The following CSMD1 variants were observed in gnomAD, a reference collection of about 807,000 sequenced individuals.
CSMD1 encodes CUB and sushi domain-containing protein 1.
CSMD1 carries 213 observed loss-of-function variants against 417.5 expected under a neutral mutation model. That is an observed-to-expected ratio of 0.51 (90% CI 0.46 to 0.57). CSMD1 has a LOEUF of 0.57. Among genes scored for constraint, CSMD1 ranks in the 20% least tolerant of loss-of-function variants. The pLI, the probability that CSMD1 is intolerant of heterozygous loss-of-function variation, is 0.00. For missense variants in CSMD1, 6,923 were observed against 4,529.7 expected (o/e 1.53, Z -15.17); for synonymous variants, 2,862 against 1,736.8 (o/e 1.65, Z -16.11).
At chr8:3,698,644 G>C (rs190111190) in intron 7 of CSMD1, among the ~76,000 whole-genome samples, 2 of 152,172 alleles carry the variant, frequency 1.3e-5, no homozygotes, top group African/African-American at 2.4e-5. Flanking sequence ...ACCTGATGAT[G>C]AGAGGCATTT....
chr8:3,905,205 TA>T (rs1346891554), intron 5 of CSMD1, among the ~76,000 whole-genome samples: 1 of 152,180 alleles, frequency 6.6e-6, no homozygotes, highest in Non-Finnish European at 1.5e-5. Flanking sequence ...TAAAAGATAA[TA>T]TTTTTTCTGC....
chr8:4,562,685 T>C lies in CSMD1; in HGVS notation c.302+74657A>G, dbSNP rs531024279. Among the ~76,000 whole-genome samples the C allele has an allele frequency of 1.3e-4, 20 of 152,240 alleles. No individual in the cohort carries two copies. The East Asian group carries it at 3.9e-3, about 29-fold the overall frequency. The stretch of plus-strand genomic sequence containing the variant: ...ACTCAAGAGCAAGTCACGCCACTGG[T>C]GTTCAGGCCCAGAACACCATCAGCC... On this transcript the variant is annotated intron_variant, in intron 2 of 69. Coordinates refer to ENST00000635120, the MANE Select transcript of CSMD1 (RefSeq NM_033225.6).
chr8:3,425,327 C>T (rs1463630418), intron 12 of CSMD1, among the ~76,000 whole-genome samples: 3 of 151,622 alleles, frequency 2.0e-5, no homozygotes, highest in South Asian at 2.1e-4. Context: ...AGGTGGCTCA[C>T]GCCTGTAATC....
intron 12 of CSMD1, among the ~76,000 whole-genome samples, chr8:3,465,520 G>A (rs916619374): frequency 3.3e-5 from 5 of 152,154 alleles, no homozygotes; most frequent in African/African-American, 4.8e-5. Flanking sequence ...TAGTGGGGGT[G>A]CCAGGAAAGC....
intron 1 of CSMD1, among the ~76,000 whole-genome samples, chr8:4,916,563 T>C (rs576280685): frequency 3.3e-5 from 5 of 152,350 alleles, no homozygotes; most frequent in South Asian, 4.1e-4. Flanking sequence ...GGCACTCAAA[T>C]ACTGCCCTGC....
At chr8:4,151,878 C>T (rs575253456) in intron 3 of CSMD1, among the ~76,000 whole-genome samples, 1 of 152,130 alleles carries the variant, frequency 6.6e-6, no homozygotes, top group Non-Finnish European at 1.5e-5. Flanking sequence ...TGCAGGCACA[C>T]ATTAAATATT....
intron 3 of CSMD1, among the ~76,000 whole-genome samples, chr8:4,297,904 T>C (rs1054243397): frequency 2.0e-5 from 3 of 152,214 alleles, no homozygotes; most frequent in African/African-American, 4.8e-5. Flanking sequence ...TTTAAAAGTA[T>C]ATAATCAGAA....
intron 3 of CSMD1, among the ~76,000 whole-genome samples, chr8:4,271,720 C>G (rs370506715): frequency 1.6e-4 from 24 of 152,240 alleles, no homozygotes; most frequent in African/African-American, 5.5e-4. Flanking sequence ...ACTACTAAAT[C>G]CCAGGCCTGT....
At chr8:4,250,220 A>C (rs1802970811) in intron 3 of CSMD1, among the ~76,000 whole-genome samples, 1 of 152,194 alleles carries the variant, frequency 6.6e-6, no homozygotes, top group Non-Finnish European at 1.5e-5. Flanking sequence ...GTATTTTGTT[A>C]CAACAACACA....
intron 6 of CSMD1, among the ~76,000 whole-genome samples, chr8:3,740,245 G>A (rs571920488): frequency 6.6e-6 from 1 of 152,258 alleles, no homozygotes; most frequent in African/African-American, 2.4e-5. Context: ...TGCTGACACT[G>A]CAGGCACCTG....
intron 10 of CSMD1, among the ~76,000 whole-genome samples, chr8:3,555,022 A>C (rs949093401): frequency 6.6e-6 from 1 of 152,086 alleles, no homozygotes; most frequent in Admixed American, 6.5e-5. Flanking sequence ...GAAGGGAAGA[A>C]GACTGTGCGT....
chr8:4,908,327 A>G (rs952013724), intron 1 of CSMD1, among the ~76,000 whole-genome samples: 1 of 152,154 alleles, frequency 6.6e-6, no homozygotes, highest in Non-Finnish European at 1.5e-5. Context: ...TGATATAGGT[A>G]GGTGTAGATA....
chr8:3,118,180 C>G (rs574710587), intron 42 of CSMD1, among the ~76,000 whole-genome samples: 107 of 152,238 alleles, frequency 7.0e-4, no homozygotes, highest in Non-Finnish European at 1.3e-3. Context: ...TTTTGCCATC[C>G]TTATAATTTC....
chr8:4,688,520 C>T (rs1413634924), intron 1 of CSMD1, among the ~76,000 whole-genome samples: 1 of 152,060 alleles, frequency 6.6e-6, no homozygotes, highest in African/African-American at 2.4e-5. Flanking sequence ...CATTAGAATA[C>T]CAAGGAAAAT....
At chr8:4,440,181 G>A (rs1370150862) in intron 2 of CSMD1, among the ~76,000 whole-genome samples, 1 of 152,112 alleles carries the variant, frequency 6.6e-6, no homozygotes, top group Non-Finnish European at 1.5e-5. Context: ...GATTAATAAT[G>A]TAGAAATCTT....
At chr8:4,766,610 G>A (rs1812483019) in intron 1 of CSMD1, among the ~76,000 whole-genome samples, 1 of 152,168 alleles carries the variant, frequency 6.6e-6, no homozygotes, top group Non-Finnish European at 1.5e-5. Context: ...CGTGTTTACT[G>A]AATGAAAAAG....
intron 69 of CSMD1, among the ~76,000 whole-genome samples, chr8:2,942,251 C>A (rs550473809): frequency 3.3e-5 from 5 of 151,974 alleles, no homozygotes; most frequent in African/African-American, 1.2e-4. Context: ...TGGGTTGATC[C>A]ATGCAGCAGA....
chr8:4,429,351 G>C (rs552948573), intron 2 of CSMD1, among the ~76,000 whole-genome samples: 4 of 151,906 alleles, frequency 2.6e-5, no homozygotes, highest in Non-Finnish European at 5.9e-5. Context: ...TGTATACATA[G>C]ATATACACAC....
At chr8:4,707,944 T>C (rs1230900663) in intron 1 of CSMD1, among the ~76,000 whole-genome samples, 2 of 143,386 alleles carry the variant, frequency 1.4e-5, no homozygotes, top group East Asian at 2.0e-4. Context: ...GGAAAGAAGT[T>C]TCCGTGTGAT....
Sources: gnomAD v4.1 joint callset for allele counts (sites outside exome capture counted in the v4.1 genomes callset) on GRCh38, gnomAD v4.1.1 for gene constraint, MANE v1.5 for transcripts, NCBI Gene and HGNC (gene_info 2026-07-23, HGNC 2026-07-21) for gene names.